Variants in USP20 observed in about 807,000 individuals in gnomAD.
USP20 encodes ubiquitin carboxyl-terminal hydrolase 20.
In USP20, 80 loss-of-function variants were observed where a neutral mutation model predicts 124.2. The ratio of observed to expected loss-of-function variants is 0.64; its 90% CI spans 0.54 to 0.78. The LOEUF is 0.78. USP20 is among the 30% of genes least tolerant of loss of function. USP20 has a pLI of 0.00. For synonymous variants in USP20, 481 were observed against 512.3 expected, an observed-to-expected ratio of 0.94 and a Z score of 0.83; for missense variants, 1,043 against 1,244.4, an observed-to-expected ratio of 0.84 and a Z score of 2.44.
chr9:129,859,066 A>G (rs1214677487), intron 6 of USP20, among the ~76,000 whole-genome samples: 1 of 151,802 alleles, frequency 6.6e-6, no homozygotes, highest in Non-Finnish European at 1.5e-5. Context: ...GGTAACGTCA[A>G]CCAGAGAATG....
intron 15 of USP20, among the ~76,000 whole-genome samples, chr9:129,872,442 G>A (rs935654890): frequency 1.3e-5 from 2 of 152,052 alleles, no homozygotes; most frequent in East Asian, 3.9e-4. Flanking sequence ...TGTGAGCCAC[G>A]GTGCCGGCCT....
chr9:129,849,540 A>G (rs72755271), intron 1 of USP20, among the ~76,000 whole-genome samples: 1,950 of 152,208 alleles, frequency 0.013, 35 homozygotes, highest in South Asian at 0.061. Flanking sequence ...TGGGAGGACT[A>G]CTTGAGCCCA....
At position 129,880,213 on chromosome 9, in the gene USP20, G is replaced by T; in HGVS notation, c.2685G>T (p.Pro895=). The T allele has an allele frequency of 6.2e-7, 1 of 1,613,412 alleles. No individual in the cohort carries two copies. Among genetic ancestry groups the T allele is most frequent in the Non-Finnish European group, 8.5e-7 (1 of 1,179,900 alleles). ...EIAIRQSVAQ[P]LGPENLHGEQ... ...CCATCCGCCAGAGTGTGGCGCAGCC[G>T]CTGGGCCCAGAGAACCTGCACGGGG... The change falls in exon 25 of 26, where the codon CCG becomes CCT. Residue 895 remains proline (P), a synonymous_variant. Transcript: ENST00000372429.
intron 1 of USP20, among the ~76,000 whole-genome samples, chr9:129,840,838 T>G (rs991522666): frequency 6.8e-6 from 1 of 147,876 alleles, no homozygotes; most frequent in Non-Finnish European, 1.5e-5. Context: ...TGGCGCCATC[T>G]CAGCTCACTG....
At chr9:129,860,846 A>C in intron 6 of USP20, 91 bp from the exon 7 acceptor site, 3 of 1,330,008 alleles carry the variant, frequency 2.3e-6, no homozygotes, top group Non-Finnish European at 2.1e-6. Context: ...TCCGGGCAGT[A>C]GGGCTGGACT....
Position 129,868,949 on chromosome 9 carries a change from GC to G in USP20, c.1229del (p.Pro410LeufsTer6). On this transcript the variant is annotated frameshift_variant, in exon 12 of 26. Transcript: ENST00000372429. LOFTEE classifies it high-confidence loss of function. The part of the protein sequence containing the change: ...HHEGHAKLSS[S>X]PPRASPVRMA... The stretch of plus-strand genomic sequence containing the variant: ...GAGGGCCATGCCAAGCTGTCTAGCA[GC>G]CCCCCTCGTGCAAGCCCCGTGAGGA... 3 of 1,612,698 alleles carry G rather than the reference GC, an allele frequency of 1.9e-6. No individual in the cohort carries two copies. Among genetic ancestry groups the G allele is most frequent in the Non-Finnish European group, 2.5e-6 (3 of 1,179,302 alleles).
chr9:129,878,252 GGGC>G, intron 22 of USP20, 83 bp from the exon 23 acceptor site: 1 of 1,065,114 alleles, frequency 9.4e-7, no homozygotes, highest in East Asian at 2.6e-5. Context: ...TGAGGGACTG[GGGC>G]GGGGGCATTT....
chr9:129,875,004 C>T, intron 19 of USP20, 49 bp downstream of exon 19: 7 of 1,599,542 alleles, frequency 4.4e-6, no homozygotes, highest in Non-Finnish European at 6.0e-6. Flanking sequence ...TCCCCGTCCC[C>T]TGGGACCCAT....
At chr9:129,864,410 G>A (rs2033716469) in intron 9 of USP20, among the ~76,000 whole-genome samples, 1 of 150,292 alleles carries the variant, frequency 6.7e-6, no homozygotes, top group Non-Finnish European at 1.5e-5. Flanking sequence ...GAGGCAGGCT[G>A]CAGTGAGCTT....
chr9:129,869,548 C>T, intron 13 of USP20, 123 bp downstream of exon 13: 4 of 1,529,422 alleles, frequency 2.6e-6, no homozygotes, highest in South Asian at 1.2e-5. Flanking sequence ...GGGGAGGGCC[C>T]TGCCTGCGTG....
At chr9:129,872,567 C>T (rs186943187) in intron 15 of USP20, among the ~76,000 whole-genome samples, 114 of 152,274 alleles carry the variant, frequency 7.5e-4, no homozygotes, top group African/African-American at 2.6e-3. Context: ...GTTGCCTGCA[C>T]CTTTGGTGTT....
chr9:129,838,655 AAG>A (rs1182724441), intron 1 of USP20, among the ~76,000 whole-genome samples: 1 of 152,180 alleles, frequency 6.6e-6, no homozygotes, highest in East Asian at 1.9e-4. Flanking sequence ...GCTGCCTGAA[AAG>A]AGAGGATCTG....
At chr9:129,868,767 C>T (rs1473555711) in intron 11 of USP20, 95 bp from the exon 12 acceptor site, 8 of 1,486,430 alleles carry the variant, frequency 5.4e-6, no homozygotes, top group Admixed American at 2.3e-5. Flanking sequence ...GTCAGGCTTT[C>T]GTCCCTTTAG....
intron 3 of USP20, 107 bp downstream of exon 3, chr9:129,852,743 T>G: frequency 8.8e-7 from 1 of 1,138,018 alleles, no homozygotes; most frequent in Non-Finnish European, 1.3e-6. Flanking sequence ...TGACAGTCTC[T>G]GCTCAGCTTT....
chr9:129,858,007 C>A, intron 4 of USP20, 43 bp from the exon 5 acceptor site: 1 of 1,577,578 alleles, frequency 6.3e-7, no homozygotes, highest in Non-Finnish European at 8.7e-7. Flanking sequence ...TGACACCATC[C>A]TTTTGGCAAG....
Position 129,846,247 on chromosome 9 carries a change from A to ATATATATATGTATTTTTTTTT in USP20, c.-128-3565_-128-3564insATATATATGTATTTTTTTTTT, listed in dbSNP as rs1554742656. Among the ~76,000 whole-genome samples, 12 of 32,682 alleles carry ATATATATATGTATTTTTTTTT rather than the reference A, an allele frequency of 3.7e-4. No individual in the cohort carries two copies. In the East Asian group the frequency reaches 8.5e-3, roughly 23 times the overall value. The allele number at this position is 32,682 out of a possible 152,430, so 21.4% of individuals were successfully genotyped here. A position where few individuals can be genotyped will look rare whatever the true frequency, so the allele number is the denominator to read the frequency against. Reference sequence around the variant, plus strand: ...CCCAGCCATATATATATATATATATATTTTTTTTTTTTTTTTTTTTTTTTT... The same window carrying ATATATATATGTATTTTTTTTT: ...CCCAGCCATATATATATATATATATATATATATATGTATTTTTTTTTTTTTTTTTTTTTTTTTTTTTTTTTT... On this transcript the variant is annotated intron_variant, in intron 1 of 25. Transcript: ENST00000372429.
At chr9:129,873,788 A>G (rs1310198000) in intron 17 of USP20, 44 bp downstream of exon 17, 1 of 1,603,600 alleles carries the variant, frequency 6.2e-7, no homozygotes, top group Non-Finnish European at 8.5e-7. Context: ...CTATCTCGGG[A>G]TGCACACCAG....
chr9:129,867,747 A>C (rs1320947555), intron 10 of USP20, among the ~76,000 whole-genome samples: 2 of 152,178 alleles, frequency 1.3e-5, no homozygotes, highest in African/African-American at 4.8e-5. Flanking sequence ...ACCCAGGTGC[A>C]TACCTGGCTC....
intron 10 of USP20, among the ~76,000 whole-genome samples, chr9:129,867,025 G>A (rs2033851458): frequency 6.6e-6 from 1 of 152,148 alleles, no homozygotes. Context: ...CTTCCCAGAT[G>A]TGTGACATGA....
Sources: gnomAD v4.1 joint callset for allele counts (sites outside exome capture counted in the v4.1 genomes callset) on GRCh38, gnomAD v4.1.1 for gene constraint, MANE v1.5 for transcripts, NCBI Gene and HGNC (gene_info 2026-07-23, HGNC 2026-07-21) for gene names.